Variants in KIF24 observed in about 807,000 individuals in gnomAD.
KIF24 encodes the protein kinesin family member 24.
In KIF24, 81 loss-of-function variants were observed where a neutral mutation model predicts 118.9. The observed-to-expected ratio is 0.68, with a 90% CI of 0.57 to 0.82. KIF24 has a LOEUF of 0.82. Ranked by LOEUF, KIF24 falls within the 40% of genes least tolerant of loss-of-function variation. The probability of loss-of-function intolerance (pLI) is 0.00; values close to 1 mark genes in which losing one functional copy is unlikely to be tolerated. For synonymous variants in KIF24, 599 were observed against 610.0 expected, an observed-to-expected ratio of 0.98 and a Z score of 0.27; for missense variants, 1,560 against 1,661.6, an observed-to-expected ratio of 0.94 and a Z score of 1.06.
intron 6 of KIF24, 95 bp downstream of exon 6, chr9:34,286,522 A>C: frequency 1.2e-6 from 1 of 827,488 alleles, no homozygotes; most frequent in South Asian, 1.5e-5. Flanking sequence ...CTTTGCCTAA[A>C]TATAAGTCCA....
At chr9:34,309,092 C>A (rs553349199) in intron 2 of KIF24, among the ~76,000 whole-genome samples, 1 of 73,328 alleles carries the variant, frequency 1.4e-5, no homozygotes, top group East Asian at 1.7e-3. Flanking sequence ...ACAAATCAAA[C>A]AAACAAACAA....
In KIF24 at chr9:34,311,379, G is replaced by A; in HGVS notation, c.-25-8C>T. The A allele has an allele frequency of 4.1e-6, 6 of 1,452,632 alleles. No individual in the cohort carries two copies. Among genetic ancestry groups the A allele is most frequent in the Non-Finnish European group, 4.6e-6 (5 of 1,092,280 alleles). The allele number at this position is 1,452,632 out of a possible 1,614,324, so 90.0% of individuals were successfully genotyped here. A position where few individuals can be genotyped will look rare whatever the true frequency, so the allele number is the denominator to read the frequency against. On this transcript the variant is annotated splice_polypyrimidine_tract_variant and splice_region_variant and intron_variant, in intron 1 of 12. Transcript: ENST00000402558. ...AATAGGTTTCTATAAACTCTGAAGA[G>A]AGAAAGAAAAGCCATTCGCTTGAAA...
Position 34,257,960 on chromosome 9 carries a change from G to A in KIF24, c.1647C>T (p.Gly549=). The A allele has an allele frequency of 6.2e-7, 1 of 1,607,618 alleles. No individual in the cohort carries two copies. Among genetic ancestry groups the A allele is most frequent in the Middle Eastern group, 1.7e-4 (1 of 6,030 alleles). The change falls in exon 11 of 13, where the codon GGC becomes GGT. Residue 549 remains glycine, a synonymous_variant. Transcript: ENST00000402558. ...YADRVKELKK[G]IKCCTSVTSR... is the part of the protein sequence containing the mutation. ...TGGTAACTGAAGTGCAACACTTAAT[G>A]CCTTTCTTTAGTTCTTTGACCCTGT...
intron 6 of KIF24, among the ~76,000 whole-genome samples, chr9:34,280,661 C>CA (rs1318200404): frequency 6.6e-6 from 1 of 152,166 alleles, no homozygotes; most frequent in East Asian, 1.9e-4. Context: ...CCTACCTTTG[C>CA]AATCACTAGA....
intron 12 of KIF24, 61 bp from the exon 13 acceptor site, chr9:34,254,581 C>T (rs1834746652): frequency 1.2e-5 from 18 of 1,536,574 alleles, no homozygotes; most frequent in Non-Finnish European, 1.4e-5. Flanking sequence ...GCCAGATCTG[C>T]TTTTTCAGTC....
At position 34,256,302 on chromosome 9, in the gene KIF24, G is replaced by C. The variant is rs1834837089; in HGVS notation, c.3305C>G (p.Ala1102Gly). The change falls in exon 11 of 13, where the codon GCC becomes GGC. Residue 1102 changes from alanine (A) to glycine (G), a missense_variant. Ala to Gly is a moderately conservative substitution (Grantham distance 60, BLOSUM62 0). Coordinates refer to ENST00000402558, the MANE Select transcript of KIF24 (RefSeq NM_194313.4). Reference protein sequence around the residue: ...HTVPSGDQEAALPVSSATRHL... With the variant: ...HTVPSGDQEAGLPVSSATRHL... ...CCTAGTTGCTGAAGACACTGGCAAG[G>C]CTGCCTCTTGATCACCAGATGGCAC... The C allele has an allele frequency of 6.2e-7, 1 of 1,612,514 alleles. No individual in the cohort carries two copies. Among genetic ancestry groups the C allele is most frequent in the African/African-American group, 1.3e-5 (1 of 74,884 alleles).
In KIF24 at chr9:34,256,527, T is replaced by C. The variant is rs778495045; in HGVS notation, c.3080A>G (p.His1027Arg). The change falls in exon 11 of 13, where the codon CAT becomes CGT. Residue 1027 changes from histidine (H) to arginine (R), a missense_variant. Coordinates refer to ENST00000402558, the MANE Select transcript of KIF24 (RefSeq NM_194313.4). ...IQVTSTVKNGHAVPGEDPRGQ... is the reference protein window; with the variant it reads ...IQVTSTVKNGRAVPGEDPRGQ... ...CCTAGGATCCTCTCCTGGGACAGCA[T>C]GACCGTTTTTCACAGTGCTGGTCAC... is the stretch of plus-strand genomic sequence containing the variant. 1.7e-5 allele frequency: 28 copies of C among 1,613,888 alleles called. No individual in the cohort carries two copies. The South Asian group carries it at 2.9e-4, about 16-fold the overall frequency.
At chr9:34,286,749 A>G (rs1836067412) in intron 5 of KIF24, 45 bp from the exon 6 acceptor site, 1 of 1,350,800 alleles carries the variant, frequency 7.4e-7, no homozygotes, top group African/African-American at 1.4e-5. Context: ...CTACTAAAAC[A>G]GACTTTGTTC....
chr9:34,297,333 C>T (rs1587950983), intron 3 of KIF24, among the ~76,000 whole-genome samples: 1 of 152,142 alleles, frequency 6.6e-6, no homozygotes, highest in Non-Finnish European at 1.5e-5. Context: ...CTAAGGCATA[C>T]ATTTTTTGTT....
At position 34,306,285 on chromosome 9, in the gene KIF24, T is replaced by C; in HGVS notation, c.780A>G (p.Lys260=). ...TATATTGAGTGAGGTCAACTGCTTC[T>C]TTCTTCTCATGCACAAGTAGAGTTT... ...DKETLLVHEK[K]EAVDLTQYIL... The change falls in exon 3 of 13, where the codon AAA becomes AAG. Residue 260 remains lysine, a synonymous_variant. Coordinates refer to ENST00000402558, the MANE Select transcript of KIF24 (RefSeq NM_194313.4). 1 of 1,608,960 alleles carries C rather than the reference T, an allele frequency of 6.2e-7. No individual in the cohort carries two copies. The highest frequency in any genetic ancestry group is 1.1e-5 in the South Asian group (1 of 89,968).
chr9:34,296,383 C>T (rs1300800248), intron 4 of KIF24, among the ~76,000 whole-genome samples: 4 of 151,324 alleles, frequency 2.6e-5, no homozygotes, highest in Admixed American at 1.3e-4. Flanking sequence ...AAAAATTAGC[C>T]GGGCGTGGTG....
In KIF24 at chr9:34,256,489, T is replaced by A. The variant is rs144807070; in HGVS notation, c.3118A>T (p.Thr1040Ser). 161 of 1,613,714 alleles carry A rather than the reference T, an allele frequency of 1.0e-4. No homozygotes were observed. Among genetic ancestry groups the A allele is most frequent in the Non-Finnish European group, 1.3e-4 (158 of 1,179,816 alleles). The change falls in exon 11 of 13, where the codon ACG (threonine) becomes TCG (serine). Residue 1040 changes from threonine (T) to serine (S), a missense_variant. Thr to Ser is a moderately conservative substitution (Grantham distance 58, BLOSUM62 1). Around this residue, in one of 3 missense-constraint regions of KIF24, gnomAD observed 591 missense variants for 655.6 expected, o/e 0.90. Transcript: ENST00000402558. ...AGTCCAGAAGCATATTCAGCATGCG[T>A]GCCTAACTGCCCCCTAGGATCCTCT... ...PGEDPRGQLG[T>S]HAEYASGLMS...
chr9:34,260,337 AT>A (rs1440704634), intron 9 of KIF24, among the ~76,000 whole-genome samples: 1 of 152,234 alleles, frequency 6.6e-6, no homozygotes, highest in Non-Finnish European at 1.5e-5. Context: ...AAATCTAGGT[AT>A]CTATAAACAG....
chr9:34,259,307 A>G (rs1179815429), intron 10 of KIF24, among the ~76,000 whole-genome samples: 1 of 152,212 alleles, frequency 6.6e-6, no homozygotes, highest in African/African-American at 2.4e-5. Flanking sequence ...ACTTCTCACT[A>G]GCCATTTAAA....
chr9:34,321,729 C>T (rs1176598824), intron 1 of KIF24, among the ~76,000 whole-genome samples: 1 of 151,688 alleles, frequency 6.6e-6, no homozygotes, highest in Non-Finnish European at 1.5e-5. Context: ...GCTTCAGTCT[C>T]CCAAGTAGCT....
At position 34,255,156 on chromosome 9, in the gene KIF24, GAC is replaced by G. The variant is rs1834774547; in HGVS notation, c.3880_3881del (p.Val1294HisfsTer10). 6.3e-7 allele frequency: 1 copy of G among 1,579,036 alleles called. No homozygotes were observed. Among genetic ancestry groups the G allele is most frequent in the African/African-American group, 1.3e-5 (1 of 74,198 alleles). On this transcript the variant is annotated frameshift_variant, in exon 12 of 13. Coordinates refer to ENST00000402558, the MANE Select transcript of KIF24 (RefSeq NM_194313.4). LOFTEE classifies it high-confidence loss of function. ...CCAGCTGTTCCTGGTGTGCTCGGATGACCACCTGCCTGGGAACACCAGAGAGA... is the reference window on the plus strand; with the variant it reads ...CCAGCTGTTCCTGGTGTGCTCGGATGCACCTGCCTGGGAACACCAGAGAGA... ...QPTLEQAQQVVIRAHQEQLDE... is the reference protein window; with the variant it reads ...QPTLEQAQQVXIRAHQEQLDE...
rs1837105840 is a variant in KIF24 at position 34,310,756 on chromosome 9, C to T, written c.591G>A (p.Gly197=). The T allele has an allele frequency of 3.1e-6, 5 of 1,609,366 alleles. No individual in the cohort carries two copies. Among genetic ancestry groups the T allele is most frequent in the Non-Finnish European group, 4.2e-6 (5 of 1,177,394 alleles). Residue 197 remains glycine (G), a synonymous_variant, in exon 2 of 13, where the codon GGG becomes GGA. Transcript: ENST00000402558. ...PIIQRISHVS[G]YNYGIPHSCI... ...AAGAATGAGGGATTCCATAGTTATACCCTGAAACATGAGAGATTCTTTGAA... is the reference window on the plus strand; with the variant it reads ...AAGAATGAGGGATTCCATAGTTATATCCTGAAACATGAGAGATTCTTTGAA...
rs1837138906 is a variant in KIF24, at chr9:34,311,373, T to C, written c.-25-2A>G. The C allele has an allele frequency of 6.8e-7, 1 of 1,477,214 alleles. No homozygotes were observed. Among genetic ancestry groups the C allele is most frequent in the East Asian group, 2.3e-5 (1 of 42,958 alleles). The allele number at this position is 1,477,214 out of a possible 1,614,324, so 91.5% of individuals were successfully genotyped here. A position where few individuals can be genotyped will look rare whatever the true frequency, so the allele number is the denominator to read the frequency against. On this transcript the variant is annotated splice_acceptor_variant, in intron 1 of 12. Coordinates refer to ENST00000402558, the MANE Select transcript of KIF24 (RefSeq NM_194313.4). LOFTEE classifies it low-confidence loss of function (5UTR_SPLICE). ...TTGGTGAATAGGTTTCTATAAACTCTGAAGAGAGAAAGAAAAGCCATTCGC... is the reference window on the plus strand; with the variant it reads ...TTGGTGAATAGGTTTCTATAAACTCCGAAGAGAGAAAGAAAAGCCATTCGC...
intron 5 of KIF24, among the ~76,000 whole-genome samples, chr9:34,288,848 C>CCACACACACACACACACA (rs10537521): frequency 9.4e-5 from 13 of 138,902 alleles, no homozygotes; most frequent in African/African-American, 3.3e-4. Context: ...CCCAAATAAA[C>CCACACACACACACACACA]CACACACACA....
Sources: gnomAD v4.1 joint callset for allele counts (sites outside exome capture counted in the v4.1 genomes callset) on GRCh38, gnomAD v4.1.1 for gene constraint, gnomAD v4.1.1 regional missense constraint, MANE v1.5 for transcripts, NCBI Gene and HGNC (gene_info 2026-07-23, HGNC 2026-07-21) for gene names.